Variants in MSRA observed in about 807,000 individuals in gnomAD.
MSRA encodes the protein mitochondrial peptide methionine sulfoxide reductase.
MSRA carries 54 observed loss-of-function variants against 31.3 expected under a neutral mutation model. That is an observed-to-expected ratio of 1.73 (90% CI 1.39 to 2.17). The LOEUF (loss-of-function observed/expected upper bound fraction) is 2.17, where lower values mean the gene tolerates loss of function less well. Among genes scored for constraint, MSRA ranks in the 30% most tolerant of loss-of-function variants. MSRA has a pLI of 0.00. For synonymous variants in MSRA, 169 were observed against 116.5 expected, an observed-to-expected ratio of 1.45 and a Z score of -2.90; for missense variants, 507 against 300.9, an observed-to-expected ratio of 1.69 and a Z score of -5.07.
At chr8:10,323,447 T>G (rs1038430711) in intron 5 of MSRA, among the ~76,000 whole-genome samples, 46 of 152,142 alleles carry the variant, frequency 3.0e-4, no homozygotes, top group Non-Finnish European at 4.4e-5. Context: ...GTGTTTGCAA[T>G]GAAGATTTTC....
chr8:10,292,672 C>T (rs970824901), intron 3 of MSRA, among the ~76,000 whole-genome samples: 3 of 152,196 alleles, frequency 2.0e-5, no homozygotes, highest in Admixed American at 6.5e-5. Context: ...TTCCTGGGGT[C>T]CCCAGCTCAG....
rs548308774 is a variant in MSRA at position 10,409,161 on chromosome 8, T to C, written c.544-18987T>C. Among the ~76,000 whole-genome samples the C allele has an allele frequency of 3.3e-5, 5 of 152,384 alleles. No individual in the cohort carries two copies. The South Asian group carries it at 1.0e-3, about 32-fold the overall frequency. On this transcript the variant is annotated intron_variant, in intron 5 of 5. Transcript: ENST00000317173. ...ATCTCCATACTGTTTTCCGTAGAGGTTGTGCTCATTTACATTCTCACCAAC... is the reference window on the plus strand; with the variant it reads ...ATCTCCATACTGTTTTCCGTAGAGGCTGTGCTCATTTACATTCTCACCAAC...
At chr8:10,391,264 C>G (rs1227533817) in intron 5 of MSRA, among the ~76,000 whole-genome samples, 3 of 152,174 alleles carry the variant, frequency 2.0e-5, no homozygotes, top group African/African-American at 7.2e-5. Context: ...CATTGCTACA[C>G]CTGCTGAAGA....
At chr8:10,260,426 G>T (rs1286960634) in intron 3 of MSRA, among the ~76,000 whole-genome samples, 2 of 152,164 alleles carry the variant, frequency 1.3e-5, no homozygotes, top group African/African-American at 4.8e-5. Flanking sequence ...GGAGGAGGAA[G>T]CGGGGGACAG....
intron 4 of MSRA, among the ~76,000 whole-genome samples, chr8:10,309,389 G>A (rs904636665): frequency 3.9e-5 from 6 of 152,206 alleles, no homozygotes; most frequent in East Asian, 3.9e-4. Context: ...TGCTCATGCC[G>A]CCTGTGGAAG....
chr8:10,168,305 C>T (rs1327449430), intron 1 of MSRA, among the ~76,000 whole-genome samples: 2 of 152,132 alleles, frequency 1.3e-5, no homozygotes, highest in African/African-American at 4.8e-5. Flanking sequence ...AATTCCCAGT[C>T]TTCTAAACAG....
chr8:10,415,222 C>T (rs1276721400), intron 5 of MSRA, among the ~76,000 whole-genome samples: 1 of 152,204 alleles, frequency 6.6e-6, no homozygotes, highest in East Asian at 1.9e-4. Flanking sequence ...CCCCACCATT[C>T]ACGATGTGCG....
intron 3 of MSRA, among the ~76,000 whole-genome samples, chr8:10,269,898 A>G (rs967063441): frequency 2.0e-5 from 3 of 151,930 alleles, no homozygotes; most frequent in Admixed American, 6.6e-5. Flanking sequence ...TGATCTGCCC[A>G]CCTCAGCCTC....
chr8:10,343,046 C>CACACAG lies in MSRA; in HGVS notation c.543+23062_543+23063insGACACA, dbSNP rs1554533288. On this transcript the variant is annotated intron_variant, in intron 5 of 5. Coordinates refer to ENST00000317173, the MANE Select transcript of MSRA (RefSeq NM_012331.5). ...ACACACACACACACACACACACACA[C>CACACAG]ACACACAGACACACACACACACACA... Among the ~76,000 whole-genome samples the CACACAG allele has an allele frequency of 4.7e-4, 47 of 100,766 alleles. No individual in the cohort carries two copies. In the South Asian group the frequency reaches 4.8e-3, roughly 10 times the overall value. The allele number at this position is 100,766 out of a possible 152,430, so 66.1% of individuals were successfully genotyped here.
rs568209270 is a variant in MSRA at position 10,183,913 on chromosome 8, ATGGTCTTGG to A, written c.143-23906_143-23898del. Among the ~76,000 whole-genome samples, 43 of 112,150 alleles carry A rather than the reference ATGGTCTTGG, an allele frequency of 3.8e-4. No individual in the cohort carries two copies. In the East Asian group the frequency reaches 9.8e-3, roughly 26 times the overall value. 73.6% of individuals were successfully genotyped at this position (112,150 alleles called of 152,430 possible). ...GGTGTTGGTGGTGGTAGTGGTGGTG[ATGGTCTTGG>A]TGGTCTTGGTGGTGGTGCTGCTGCT... On this transcript the variant is annotated intron_variant, in intron 1 of 5. Coordinates refer to ENST00000317173, the MANE Select transcript of MSRA (RefSeq NM_012331.5).
At chr8:10,286,460 C>G (rs114382032) in intron 3 of MSRA, among the ~76,000 whole-genome samples, 6,444 of 152,318 alleles carry the variant, frequency 0.042, 349 homozygotes, top group African/African-American at 0.13. Context: ...TGACTTGCTC[C>G]TCCTTGCCTC....
chr8:10,349,402 C>G (rs947355080), intron 5 of MSRA, among the ~76,000 whole-genome samples: 1 of 144,696 alleles, frequency 6.9e-6, no homozygotes, highest in African/African-American at 2.6e-5. Flanking sequence ...TTGCCTTTGC[C>G]TAGAATATCT....
chr8:10,406,998 C>T lies in MSRA; in HGVS notation c.544-21150C>T, dbSNP rs569978103. ...GCTCATGTAATCCTTCCATCTCGGT[C>T]TCCCAAATAGCTGAGGCCACAGGTG... is the stretch of plus-strand genomic sequence containing the variant. On this transcript the variant is annotated intron_variant, in intron 5 of 5. Coordinates refer to ENST00000317173, the MANE Select transcript of MSRA (RefSeq NM_012331.5). Among the ~76,000 whole-genome samples the T allele has an allele frequency of 5.0e-4, 76 of 152,334 alleles. 1 individual carries two copies. Among genetic ancestry groups the T allele is most frequent in the African/African-American group, 1.7e-3 (72 of 41,582 alleles).
chr8:10,279,566 T>A (rs1483981874), intron 3 of MSRA, among the ~76,000 whole-genome samples: 1 of 152,142 alleles, frequency 6.6e-6, no homozygotes, highest in Non-Finnish European at 1.5e-5. Flanking sequence ...TCCCGTTATA[T>A]CAAAAACTTT....
rs1301701308 is a variant in MSRA, at chr8:10,054,668, G to T, written c.142+10G>T. The T allele has an allele frequency of 6.6e-7, 1 of 1,509,906 alleles. No homozygotes were observed. The highest frequency in any genetic ancestry group is 1.3e-5 in the South Asian group (1 of 79,712). 93.5% of individuals were successfully genotyped at this position (1,509,906 alleles called of 1,614,324 possible). A position where few individuals can be genotyped will look rare whatever the true frequency, so the allele number is the denominator to read the frequency against. On this transcript the variant is annotated intron_variant, in intron 1 of 5. Transcript: ENST00000317173. ...CAGACCCCTGTAGCGGGTAAGCACT[G>T]GCCACACGGAAGGCGCGGGCGGCGA...
intron 1 of MSRA, among the ~76,000 whole-genome samples, chr8:10,079,814 C>T (rs1443965315): frequency 2.6e-5 from 4 of 152,170 alleles, no homozygotes. Context: ...TGAGAGTGGG[C>T]TCAGGAATTC....
intron 1 of MSRA, among the ~76,000 whole-genome samples, chr8:10,148,824 C>CT (rs941749742): frequency 1.5e-5 from 1 of 68,006 alleles, no homozygotes; most frequent in African/African-American, 5.4e-5. Flanking sequence ...AAAGGAAACT[C>CT]TGTCTCAAAA....
At chr8:10,269,764 G>C (rs534365325) in intron 3 of MSRA, among the ~76,000 whole-genome samples, 3 of 152,276 alleles carry the variant, frequency 2.0e-5, no homozygotes, top group South Asian at 2.1e-4. Flanking sequence ...CCATTCCCCT[G>C]CCTCAGCCTC....
At position 10,070,779 on chromosome 8, in the gene MSRA, T is replaced by A. The variant is rs192835890; in HGVS notation, c.142+16121T>A. Among the ~76,000 whole-genome samples, 6 of 152,350 alleles carry A rather than the reference T, an allele frequency of 3.9e-5. No individual in the cohort carries two copies. The East Asian group carries it at 1.2e-3, about 29-fold the overall frequency. On this transcript the variant is annotated intron_variant, in intron 1 of 5. Coordinates refer to ENST00000317173, the MANE Select transcript of MSRA (RefSeq NM_012331.5). ...TATGTAACCTCTTGGGATTGGCTTT[T>A]TTCAGTCAGCACAATTCCCTGAGAT...
Sources: gnomAD v4.1 joint callset for allele counts (sites outside exome capture counted in the v4.1 genomes callset) on GRCh38, gnomAD v4.1.1 for gene constraint, MANE v1.5 for transcripts, NCBI Gene and HGNC (gene_info 2026-07-23, HGNC 2026-07-21) for gene names.